PHYHD1: variants seen among roughly 807,000 people sequenced by gnomAD.
PHYHD1 encodes the protein phytanoyl-CoA dioxygenase domain-containing protein 1.
In PHYHD1, 42 loss-of-function variants were observed where a neutral mutation model predicts 43.6. The ratio of observed to expected loss-of-function variants is 0.96; its 90% CI spans 0.75 to 1.25. PHYHD1 has a LOEUF of 1.25. PHYHD1 is among the 50% of genes most tolerant of loss of function. The probability of loss-of-function intolerance (pLI) is 0.00; values close to 1 mark genes in which losing one functional copy is unlikely to be tolerated. For synonymous variants in PHYHD1, 139 were observed against 143.6 expected, an observed-to-expected ratio of 0.97 and a Z score of 0.23; for missense variants, 342 against 370.8, an observed-to-expected ratio of 0.92 and a Z score of 0.64.
intron 8 of PHYHD1, among the ~76,000 whole-genome samples, chr9:128,936,889 C>A (rs1841436880): frequency 6.6e-6 from 1 of 151,702 alleles, no homozygotes; most frequent in African/African-American, 2.4e-5. Context: ...CTGAAGCGGG[C>A]AGATCACCTG....
intron 11 of PHYHD1, 92 bp from the exon 12 acceptor site, chr9:128,941,353 C>A: frequency 6.5e-7 from 1 of 1,533,972 alleles, no homozygotes; most frequent in Non-Finnish European, 8.8e-7. Flanking sequence ...GGCCACAAAA[C>A]CACTGGAAGG....
rs1341502875 is a variant in PHYHD1 at position 128,941,833 on chromosome 9, C to T, written c.*120C>T. 1.4e-6 allele frequency: 2 copies of T among 1,397,892 alleles called. No homozygotes were observed. The highest frequency in any genetic ancestry group is 2.0e-6 in the Non-Finnish European group (2 of 1,003,986). The allele number at this position is 1,397,892 out of a possible 1,614,324, so 86.6% of individuals were successfully genotyped here. On this transcript the variant is annotated 3_prime_UTR_variant, in exon 13 of 13. Transcript: ENST00000372592. ...GGTCTTGTCTCCCCTCCTGGGCTTT[C>T]CTCCTGCCCTGTGGGCAGCAGCCTA...
At chr9:128,930,898 G>A (rs1333874373) in intron 4 of PHYHD1, among the ~76,000 whole-genome samples, 9 of 146,794 alleles carry the variant, frequency 6.1e-5, no homozygotes, top group South Asian at 4.4e-4. Context: ...GCAGTGAGCC[G>A]AGATTGGGTC....
chr9:128,921,079 T>C lies in PHYHD1; in HGVS notation c.-749T>C, dbSNP rs1236955038. 1.3e-5 allele frequency: 2 copies of C among 152,206 alleles called. No homozygotes were observed. The highest frequency in any genetic ancestry group is 6.6e-5 in the Admixed American group (1 of 15,266). The allele number at this position is 152,206 out of a possible 1,614,324, so 9.4% of individuals were successfully genotyped here. On this transcript the variant is annotated 5_prime_UTR_variant, in exon 1 of 13. Transcript: ENST00000372592. ...GAGCAGGGCAAGCTGAGAAGGGTGGTGGTGTGCAAGTGTTATTCTCTCTTT... is the reference window on the plus strand; with the variant it reads ...GAGCAGGGCAAGCTGAGAAGGGTGGCGGTGTGCAAGTGTTATTCTCTCTTT...
chr9:128,922,260 C>T (rs747996265), intron 2 of PHYHD1, 23 bp from the exon 3 acceptor site: 5 of 1,547,040 alleles, frequency 3.2e-6, no homozygotes, highest in African/African-American at 1.4e-5. Context: ...TCCCAGGCTC[C>T]TAAACTTTCT....
In PHYHD1 at chr9:128,922,139, G is replaced by GT. The variant is rs1841012801; in HGVS notation, c.-42+93dup. ...GGAAAGGGCAAATCCTGGATTAGTT[G>GT]TGGGGGTGGGGGAGATTAGCCTGGA... is the stretch of plus-strand genomic sequence containing the variant. On this transcript the variant is annotated intron_variant, in intron 2 of 12. Transcript: ENST00000372592. The GT allele has an allele frequency of 2.1e-5, 13 of 605,316 alleles. No homozygotes were observed. In the South Asian group the frequency reaches 2.7e-4, roughly 12 times the overall value. 37.5% of individuals were successfully genotyped at this position (605,316 alleles called of 1,614,324 possible).
chr9:128,932,207 C>T (rs1200757742), intron 4 of PHYHD1, among the ~76,000 whole-genome samples: 1 of 129,544 alleles, frequency 7.7e-6, no homozygotes, highest in Non-Finnish European at 1.6e-5. Flanking sequence ...GAGATGGAGT[C>T]TCGCACTGTC....
At chr9:128,927,375 TTTTTTTC>T (rs1564538917) in intron 4 of PHYHD1, among the ~76,000 whole-genome samples, 179 bp downstream of exon 4, 1 of 152,006 alleles carries the variant, frequency 6.6e-6, no homozygotes. Context: ...TTGTCCTTTT[TTTTTTTC>T]TTTTTTCTTT....
intron 8 of PHYHD1, 55 bp from the exon 9 acceptor site, chr9:128,937,702 C>T (rs747821083): frequency 1.9e-6 from 3 of 1,608,364 alleles, no homozygotes; most frequent in Non-Finnish European, 1.7e-6. Context: ...TCTCAGCAAG[C>T]CCAGCTCCTC....
Position 128,928,340 on chromosome 9 carries a change from C to T in PHYHD1, c.192+1144C>T, listed in dbSNP as rs191063283. On this transcript the variant is annotated intron_variant, in intron 4 of 12. Coordinates refer to ENST00000372592, the MANE Select transcript of PHYHD1 (RefSeq NM_001100876.2). The stretch of plus-strand genomic sequence containing the variant: ...AAGGGTTCCTAGGAGTAAGAAGGGC[C>T]GAATCCTGTGCCCTCCAAGCTGCCT... Among the ~76,000 whole-genome samples, 12 of 152,196 alleles carry T rather than the reference C, an allele frequency of 7.9e-5. No homozygotes were observed. In the East Asian group the frequency reaches 1.7e-3, roughly 22 times the overall value.
chr9:128,923,783 A>G (rs777531536), intron 3 of PHYHD1, among the ~76,000 whole-genome samples: 5 of 152,116 alleles, frequency 3.3e-5, no homozygotes, highest in Non-Finnish European at 7.4e-5. Flanking sequence ...ACAGGAGTTC[A>G]AGACCAGCTT....
At chr9:128,934,697 G>A (rs1486595776) in intron 6 of PHYHD1, among the ~76,000 whole-genome samples, 1 of 151,842 alleles carries the variant, frequency 6.6e-6, no homozygotes, top group African/African-American at 2.4e-5. Context: ...GAACCCGAGA[G>A]GCTGAGGCTG....
chr9:128,928,755 C>T (rs1841200327), intron 4 of PHYHD1, among the ~76,000 whole-genome samples: 1 of 152,000 alleles, frequency 6.6e-6, no homozygotes, highest in South Asian at 2.1e-4. Context: ...GTTTATAATG[C>T]ATGCAAAGAA....
At chr9:128,925,320 A>C (rs1220388096) in intron 3 of PHYHD1, among the ~76,000 whole-genome samples, 1 of 148,798 alleles carries the variant, frequency 6.7e-6, no homozygotes, top group African/African-American at 2.5e-5. Context: ...CTGCTTGCTG[A>C]GTTCAAATGA....
intron 4 of PHYHD1, among the ~76,000 whole-genome samples, chr9:128,928,484 T>C (rs140206520): frequency 0.017 from 2,628 of 151,922 alleles, 53 homozygotes; most frequent in Non-Finnish European, 0.024. Flanking sequence ...GGGTGGATCA[T>C]CTGAGGTCAG....
At chr9:128,940,348 A>AC (rs761669373) in intron 9 of PHYHD1, 21 bp from the exon 10 acceptor site, 5 of 1,612,844 alleles carry the variant, frequency 3.1e-6, no homozygotes, top group East Asian at 2.2e-5. Context: ...TGAGCTCCTC[A>AC]CCCCCCGTGG....
intron 3 of PHYHD1, among the ~76,000 whole-genome samples, chr9:128,923,716 C>G (rs1004726066): frequency 6.6e-6 from 1 of 152,184 alleles, no homozygotes; most frequent in African/African-American, 2.4e-5. Flanking sequence ...CTAGCTGTGG[C>G]TCACGTCTGT....
intron 4 of PHYHD1, among the ~76,000 whole-genome samples, chr9:128,933,299 G>C (rs1005121162): frequency 6.6e-6 from 1 of 151,640 alleles, no homozygotes; most frequent in African/African-American, 2.4e-5. Context: ...GACTACAGGT[G>C]CCTACCACGC....
chr9:128,926,916 G>A (rs759449922), intron 3 of PHYHD1, 122 bp from the exon 4 acceptor site: 2 of 1,347,252 alleles, frequency 1.5e-6, no homozygotes, highest in Admixed American at 1.7e-5. Context: ...CATGCCTGGG[G>A]TTGGGGACAG....
Sources: gnomAD v4.1 joint callset for allele counts (sites outside exome capture counted in the v4.1 genomes callset) on GRCh38, gnomAD v4.1.1 for gene constraint, MANE v1.5 for transcripts, NCBI Gene and HGNC (gene_info 2026-07-23, HGNC 2026-07-21) for gene names.